Variants in RIMKLB observed in about 807,000 individuals in gnomAD.
The protein encoded by RIMKLB is ribosomal modification protein rimK like family member B.
A neutral mutation model predicts 32.0 loss-of-function variants in RIMKLB; 7 were observed. The ratio of observed to expected loss-of-function variants is 0.22; its 90% CI spans 0.12 to 0.41. RIMKLB has a LOEUF of 0.41. Among genes scored for constraint, RIMKLB ranks in the 10% least tolerant of loss-of-function variants. RIMKLB has a pLI of 1.00. For missense variants in RIMKLB, 289 were observed against 498.7 expected (o/e 0.58, Z 4.00); for synonymous variants, 172 against 185.1 (o/e 0.93, Z 0.57).
At chr12:8,693,193 A>C (rs1051475680), upstream of RIMKLB, among the ~76,000 whole-genome samples, 2 of 152,124 alleles carry the variant, frequency 1.3e-5, no homozygotes, top group African/African-American at 4.8e-5. Flanking sequence ...TTTGTAAATT[A>C]TGTTTTTCTG....
At chr12:8,771,088 A>T (rs745419534) in intron 5 of RIMKLB, among the ~76,000 whole-genome samples, 1 of 152,312 alleles carries the variant, frequency 6.6e-6, no homozygotes, top group South Asian at 2.1e-4. Flanking sequence ...GTGTCCAGCT[A>T]TCCAGAAGTT....
intron 5 of RIMKLB, among the ~76,000 whole-genome samples, chr12:8,769,117 C>T (rs574355509): frequency 2.2e-4 from 33 of 152,148 alleles, no homozygotes; most frequent in African/African-American, 7.2e-4. Flanking sequence ...CTTTTATTTA[C>T]AGTTGGTTCT....
At chr12:8,708,596 T>C (rs1591665725) in intron 1 of RIMKLB, among the ~76,000 whole-genome samples, 2 of 152,338 alleles carry the variant, frequency 1.3e-5, no homozygotes, top group Admixed American at 6.5e-5. Context: ...GGATGTTGAC[T>C]TGAAAAACTT....
Position 8,774,588 on chromosome 12 carries a change from T to A in RIMKLB, c.*804T>A, listed in dbSNP as rs185954279. 4.0e-3 allele frequency: 3,857 copies of A among 963,838 alleles called. 103 individuals carry two copies. The African/African-American group carries it at 0.06, about 15-fold the overall frequency. The allele number at this position is 963,838 out of a possible 1,614,324, so 59.7% of individuals were successfully genotyped here. A position where few individuals can be genotyped will look rare whatever the true frequency, so the allele number is the denominator to read the frequency against. The stretch of plus-strand genomic sequence containing the variant: ...TTAATGTTGCTTTTTTTTTTTTTTT[T>A]AATACATGCTAGTCTAACATTTCCT... On this transcript the variant is annotated 3_prime_UTR_variant, in exon 6 of 6. Coordinates refer to ENST00000535829, the MANE Select transcript of RIMKLB (RefSeq NM_001297776.2).
intron 5 of RIMKLB, among the ~76,000 whole-genome samples, chr12:8,769,791 A>C (rs181144354): frequency 3.3e-5 from 5 of 152,240 alleles, no homozygotes; most frequent in Admixed American, 1.3e-4. Flanking sequence ...GTATCATCAT[A>C]ATAATAATGA....
the RIMKLB span, among the ~76,000 whole-genome samples, chr12:8,676,382 CTTTTTTTTTTTTTTTTTTTTT>C: frequency 5.4e-5 from 2 of 37,310 alleles, no homozygotes; most frequent in East Asian, 8.8e-4. Flanking sequence ...CCCCCAACAG[CTTTTTTTTTTTTTTTTTTTTT>C]TTTTTTTTTT....
intron 1 of RIMKLB, among the ~76,000 whole-genome samples, chr12:8,702,975 A>G (rs748494798): frequency 1.3e-5 from 2 of 152,150 alleles, no homozygotes; most frequent in Non-Finnish European, 2.9e-5. Context: ...AGTTTCTTCT[A>G]TTAAGTGAAA....
chr12:8,689,531 T>C (rs903237946), intron 1 of RIMKLB, among the ~76,000 whole-genome samples: 3 of 152,268 alleles, frequency 2.0e-5, no homozygotes, highest in African/African-American at 7.2e-5. Context: ...CTGTCTTGTT[T>C]CATTCAGCCA....
chr12:8,751,812 A>C (rs911825076), intron 3 of RIMKLB, 145 bp from the exon 4 acceptor site: 1 of 609,622 alleles, frequency 1.6e-6, no homozygotes, highest in South Asian at 2.1e-5. Flanking sequence ...TTCAACTTAC[A>C]CATACTTTCT....
At chr12:8,753,251 G>A (rs1348010471) in intron 4 of RIMKLB, among the ~76,000 whole-genome samples, 1 of 152,044 alleles carries the variant, frequency 6.6e-6, no homozygotes, top group African/African-American at 2.4e-5. Flanking sequence ...GACCTTTTAT[G>A]GTCTACCCTC....
Position 8,775,384 on chromosome 12 carries a change from A to T in RIMKLB, c.*1600A>T, listed in dbSNP as rs1195640995. On this transcript the variant is annotated 3_prime_UTR_variant, in exon 6 of 6. Coordinates refer to ENST00000535829, the MANE Select transcript of RIMKLB (RefSeq NM_001297776.2). ...AATATGAGCCTTTAAAACATGGGTA[A>T]AACTAATCCCATTGATGGGTTTGGA... 1 of 985,346 alleles carries T rather than the reference A, an allele frequency of 1.0e-6. No homozygotes were observed. Among genetic ancestry groups the T allele is most frequent in the Non-Finnish European group, 1.2e-6 (1 of 829,900 alleles). 61.0% of individuals were successfully genotyped at this position (985,346 alleles called of 1,614,324 possible).
Position 8,776,497 on chromosome 12 carries a change from T to C in RIMKLB, c.*2713T>C, listed in dbSNP as rs1163446499. ...TGAGAGAGAATGTATATATCAAATA[T>C]GTGTAATGATAAAATCTGAATTGTA... On this transcript the variant is annotated 3_prime_UTR_variant, in exon 6 of 6. Transcript: ENST00000535829. 3 of 711,706 alleles carry C rather than the reference T, an allele frequency of 4.2e-6. No homozygotes were observed. The highest frequency in any genetic ancestry group is 5.2e-6 in the Non-Finnish European group (3 of 580,704). The allele number at this position is 711,706 out of a possible 1,614,324, so 44.1% of individuals were successfully genotyped here. A position where few individuals can be genotyped will look rare whatever the true frequency, so the allele number is the denominator to read the frequency against.
At chr12:8,680,298 A>C (rs1366630702), upstream of RIMKLB, among the ~76,000 whole-genome samples, 1 of 151,956 alleles carries the variant, frequency 6.6e-6, no homozygotes, top group African/African-American at 2.4e-5. Context: ...TGGGGACTAC[A>C]GGCGCCCGCC....
intron 5 of RIMKLB, among the ~76,000 whole-genome samples, chr12:8,755,336 A>G (rs1159165095): frequency 1.3e-5 from 2 of 151,954 alleles, no homozygotes; most frequent in Non-Finnish European, 2.9e-5. Context: ...CCTGGGCTCA[A>G]GTAATCCTCC....
chr12:8,772,971 A>T (rs545066132), intron 5 of RIMKLB, among the ~76,000 whole-genome samples: 14 of 152,102 alleles, frequency 9.2e-5, no homozygotes, highest in Non-Finnish European at 1.9e-4. Flanking sequence ...CCGTTCTGTT[A>T]TGCATTTTTA....
intron 1 of RIMKLB, among the ~76,000 whole-genome samples, chr12:8,707,155 G>A (rs1019098781): frequency 2.0e-5 from 3 of 152,078 alleles, no homozygotes; most frequent in East Asian, 1.9e-4. Flanking sequence ...TTTCTGCAAC[G>A]GACACCAGCT....
At chr12:8,767,546 AG>A (rs1335533310) in intron 5 of RIMKLB, among the ~76,000 whole-genome samples, 2 of 152,214 alleles carry the variant, frequency 1.3e-5, no homozygotes, top group Non-Finnish European at 2.9e-5. Context: ...CTTTCAAGAA[AG>A]TCGTGGTCGG....
At chr12:8,777,512 A>T (rs142941591), downstream of RIMKLB, 572 of 1,150,674 alleles carry the variant, frequency 5.0e-4, no homozygotes, top group Middle Eastern at 2.0e-3. Context: ...GCCTTTGAAG[A>T]TCCTTAATGT....
At chr12:8,694,013 TG>T (rs1264551013), upstream of RIMKLB, among the ~76,000 whole-genome samples, 1 of 151,814 alleles carries the variant, frequency 6.6e-6, no homozygotes, top group Non-Finnish European at 1.5e-5. Context: ...GAGGCTCAGG[TG>T]GGCGGATCAC....
Sources: allele counts gnomAD v4.1 joint callset (sites outside exome capture counted in the v4.1 genomes callset), GRCh38; gene constraint gnomAD v4.1.1; transcripts MANE v1.5; gene names NCBI Gene and HGNC (gene_info 2026-07-23, HGNC 2026-07-21).